PRKG1: variants seen among roughly 807,000 people sequenced by gnomAD.
PRKG1 encodes cGMP-dependent protein kinase 1.
Under a neutral mutation model 88.1 loss-of-function variants are expected in PRKG1, and 35 were observed. That is an observed-to-expected ratio of 0.40 (90% CI 0.30 to 0.53). The LOEUF (loss-of-function observed/expected upper bound fraction) is 0.53, where lower values mean the gene tolerates loss of function less well. Among genes scored for constraint, PRKG1 ranks in the 20% least tolerant of loss-of-function variants. The pLI is 0.59. For missense variants in PRKG1, 540 were observed against 839.8 expected (o/e 0.64, Z 4.41); for synonymous variants, 303 against 292.5 (o/e 1.04, Z -0.37).
At chr10:51,041,071 C>G (rs2132758070) in intron 1 of PRKG1, among the ~76,000 whole-genome samples, 1 of 152,204 alleles carries the variant, frequency 6.6e-6, no homozygotes, top group Non-Finnish European at 1.5e-5. Flanking sequence ...ACCCTTCCCT[C>G]AAGCAGAGTA....
chr10:52,174,914 T>C (rs1838820226), intron 9 of PRKG1, among the ~76,000 whole-genome samples: 1 of 152,086 alleles, frequency 6.6e-6, no homozygotes, highest in African/African-American at 2.4e-5. Context: ...TATATAATGA[T>C]GTTCCAATAC....
chr10:51,063,521 A>G (rs2132786447), intron 1 of PRKG1, among the ~76,000 whole-genome samples: 1 of 152,304 alleles, frequency 6.6e-6, no homozygotes, highest in South Asian at 2.1e-4. Context: ...ATAAAAGATA[A>G]AAAAGGTACA....
chr10:51,987,556 A>G (rs1327124792), intron 5 of PRKG1, among the ~76,000 whole-genome samples: 2 of 151,694 alleles, frequency 1.3e-5, no homozygotes, highest in East Asian at 1.9e-4. Flanking sequence ...ATTCTAAGTC[A>G]CTAATTGTGT....
chr10:51,152,891 T>G (rs1589197825), intron 1 of PRKG1, among the ~76,000 whole-genome samples: 1 of 151,834 alleles, frequency 6.6e-6, no homozygotes, highest in African/African-American at 2.4e-5. Context: ...TAAAGCAAAA[T>G]GGACTTGTAT....
At chr10:52,267,710 C>A (rs562144681) in intron 10 of PRKG1, among the ~76,000 whole-genome samples, 2 of 152,072 alleles carry the variant, frequency 1.3e-5, no homozygotes, top group South Asian at 4.2e-4. Context: ...TCATAAAATG[C>A]ATGCTGACTT....
At chr10:52,064,259 T>C (rs1486450452) in intron 7 of PRKG1, among the ~76,000 whole-genome samples, 1 of 152,154 alleles carries the variant, frequency 6.6e-6, no homozygotes, top group Non-Finnish European at 1.5e-5. Flanking sequence ...GGGTGAGTTG[T>C]CAGGGGACTG....
chr10:51,856,490 C>T (rs776505386), intron 4 of PRKG1, among the ~76,000 whole-genome samples: 15 of 152,208 alleles, frequency 9.9e-5, no homozygotes, highest in Non-Finnish European at 1.8e-4. Context: ...CAAATTCTTA[C>T]TCCAGCAGCT....
intron 3 of PRKG1, chr10:51,699,141 G>A (rs1450451475): frequency 6.2e-7 from 1 of 1,614,188 alleles, no homozygotes. Flanking sequence ...ATCTGCTCCG[G>A]GGGGAGACTG....
intron 3 of PRKG1, among the ~76,000 whole-genome samples, chr10:51,769,971 G>A (rs1166043728): frequency 6.6e-6 from 1 of 152,382 alleles, no homozygotes; most frequent in East Asian, 1.9e-4. Context: ...TGGGCCGTGT[G>A]TTGTACAACC....
At chr10:52,267,457 T>C (rs7098705) in intron 10 of PRKG1, among the ~76,000 whole-genome samples, 4,532 of 152,072 alleles carry the variant, frequency 0.03, 299 homozygotes, top group East Asian at 0.23. Flanking sequence ...TTTTTCATGA[T>C]GAGAGTTTTA....
At chr10:51,766,164 A>G (rs1240792457) in intron 3 of PRKG1, among the ~76,000 whole-genome samples, 1 of 152,150 alleles carries the variant, frequency 6.6e-6, no homozygotes, top group African/African-American at 2.4e-5. Flanking sequence ...AATAAGTGAA[A>G]AAAGAAAGCT....
At position 51,307,242 on chromosome 10, in the gene PRKG1, A is replaced by G. The variant is rs1841062595; in HGVS notation, c.478+153912A>G. Among the ~76,000 whole-genome samples, 3 of 152,088 alleles carry G rather than the reference A, an allele frequency of 2.0e-5. No homozygotes were observed. The South Asian group carries it at 6.2e-4, about 32-fold the overall frequency. Reference sequence around the variant, plus strand: ...CCTCCTGTTTTCCAGGTAAAATGAGAGTTTACATTTATTGAGTGTTTACCA... The same window carrying G: ...CCTCCTGTTTTCCAGGTAAAATGAGGGTTTACATTTATTGAGTGTTTACCA... On this transcript the variant is annotated intron_variant, in intron 2 of 17. Transcript: ENST00000373980.
At position 51,569,615 on chromosome 10, in the gene PRKG1, C is replaced by A. The variant is rs1404406443; in HGVS notation, c.592+101779C>A. ...TGCTGTTATTTACAGAGAAGAAAAC[C>A]CACAACAGGAAAGTTGTGGCAGAAA... On this transcript the variant is annotated intron_variant, in intron 3 of 17. Coordinates refer to ENST00000373980, the MANE Select transcript of PRKG1 (RefSeq NM_006258.4). Among the ~76,000 whole-genome samples, 12 of 151,914 alleles carry A rather than the reference C, an allele frequency of 7.9e-5. No homozygotes were observed. The East Asian group carries it at 2.3e-3, about 29-fold the overall frequency.
At chr10:52,292,734 T>A (rs1270066502) in intron 17 of PRKG1, among the ~76,000 whole-genome samples, 1 of 152,024 alleles carries the variant, frequency 6.6e-6, no homozygotes, top group Non-Finnish European at 1.5e-5. Context: ...AAACTCTCAA[T>A]AAATTAGGTA....
chr10:51,684,309 C>G (rs935377425), intron 3 of PRKG1, among the ~76,000 whole-genome samples: 2 of 151,990 alleles, frequency 1.3e-5, no homozygotes, highest in African/African-American at 4.8e-5. Flanking sequence ...AAAAGTAGAA[C>G]AGTGGTTGCC....
intron 3 of PRKG1, among the ~76,000 whole-genome samples, chr10:51,658,878 A>G (rs991763965): frequency 2.0e-4 from 31 of 152,192 alleles, no homozygotes; most frequent in African/African-American, 7.5e-4. Context: ...GATATAAAAT[A>G]CTTAAGTTTT....
intron 5 of PRKG1, among the ~76,000 whole-genome samples, chr10:51,953,466 C>G (rs1449094677): frequency 6.6e-6 from 1 of 152,168 alleles, no homozygotes; most frequent in Non-Finnish European, 1.5e-5. Flanking sequence ...CTTTTCTCTA[C>G]TTTGCCCTAA....
At chr10:51,991,866 T>A (rs1844316966) in intron 5 of PRKG1, among the ~76,000 whole-genome samples, 1 of 152,234 alleles carries the variant, frequency 6.6e-6, no homozygotes. Flanking sequence ...TATAGCAGCA[T>A]GATTTATAAT....
In PRKG1 at chr10:52,133,849, G is replaced by A. The variant is rs1299274042; in HGVS notation, c.945G>A (p.Val315=). ...TCTATTTTTCACATAGGGAAGATGT[G>A]AGAACAGCAAACGTAATTGCTGCAG... is the stretch of plus-strand genomic sequence containing the variant. ...FGEKALQGED[V]RTANVIAAEA... The change falls in exon 8 of 18, where the codon GTG becomes GTA. Residue 315 remains valine, a synonymous_variant. Transcript: ENST00000373980. 17 of 1,612,788 alleles carry A rather than the reference G, an allele frequency of 1.1e-5. No individual in the cohort carries two copies. The highest frequency in any genetic ancestry group is 1.3e-5 in the Non-Finnish European group (15 of 1,179,208).
Sources: gnomAD v4.1 joint callset for allele counts (sites outside exome capture counted in the v4.1 genomes callset) on GRCh38, gnomAD v4.1.1 for gene constraint, MANE v1.5 for transcripts, NCBI Gene and HGNC (gene_info 2026-07-23, HGNC 2026-07-21) for gene names.